CDH12: variants seen among roughly 807,000 people sequenced by gnomAD.
The protein encoded by CDH12 is cadherin-12.
A neutral mutation model predicts 74.1 loss-of-function variants in CDH12; 41 were observed. The observed-to-expected ratio is 0.55, with a 90% confidence interval of 0.43 to 0.72. The LOEUF (loss-of-function observed/expected upper bound fraction) is 0.72. CDH12 is among the 30% of genes least tolerant of loss of function. The probability of loss-of-function intolerance (pLI) is 0.00; values close to 1 mark genes in which losing one functional copy is unlikely to be tolerated. For missense variants in CDH12, 945 were observed against 977.2 expected, an observed-to-expected ratio of 0.97 and a Z score of 0.44; for synonymous variants, 399 against 355.0, an observed-to-expected ratio of 1.12 and a Z score of -1.39.
At chr5:22,246,934 C>T (rs1423275935) in intron 3 of CDH12, among the ~76,000 whole-genome samples, 1 of 152,002 alleles carries the variant, frequency 6.6e-6, no homozygotes, top group Non-Finnish European at 1.5e-5. Context: ...TTTGAAGAAA[C>T]AAAAGGATAA....
intron 4 of CDH12, among the ~76,000 whole-genome samples, chr5:22,200,499 C>T (rs1750870576): frequency 6.6e-6 from 1 of 152,082 alleles, no homozygotes; most frequent in Non-Finnish European, 1.5e-5. Flanking sequence ...TGACCTTTAC[C>T]AAACGTGTGT....
At chr5:22,065,922 G>C (rs1302365932) in intron 5 of CDH12, among the ~76,000 whole-genome samples, 1 of 152,136 alleles carries the variant, frequency 6.6e-6, no homozygotes, top group Non-Finnish European at 1.5e-5. Context: ...TCCTAGGAAT[G>C]AAATAGGTAG....
intron 6 of CDH12, among the ~76,000 whole-genome samples, chr5:21,911,251 T>C (rs980778377): frequency 7.2e-5 from 11 of 152,272 alleles, no homozygotes; most frequent in African/African-American, 2.2e-4. Context: ...TTGTGGTATA[T>C]AGAAGTAACA....
At chr5:22,386,703 C>A (rs1442366826) in intron 3 of CDH12, among the ~76,000 whole-genome samples, 3 of 151,646 alleles carry the variant, frequency 2.0e-5, no homozygotes, top group Non-Finnish European at 4.4e-5. Context: ...CTGAAATATG[C>A]ATGAAAGATG....
chr5:22,694,810 CAT>C (rs527555204), intron 1 of CDH12, among the ~76,000 whole-genome samples: 2 of 151,672 alleles, frequency 1.3e-5, no homozygotes, highest in Non-Finnish European at 2.9e-5. Flanking sequence ...TACACACACA[CAT>C]ATATATACAT....
intron 1 of CDH12, among the ~76,000 whole-genome samples, chr5:22,724,609 A>T (rs571102666): frequency 6.6e-6 from 1 of 152,056 alleles, no homozygotes; most frequent in Admixed American, 6.6e-5. Context: ...TATATATACC[A>T]CATTTTCTTT....
At chr5:22,414,937 C>T (rs1311163182) in intron 2 of CDH12, among the ~76,000 whole-genome samples, 1 of 151,968 alleles carries the variant, frequency 6.6e-6, no homozygotes, top group Non-Finnish European at 1.5e-5. Flanking sequence ...ATGAAGGCTG[C>T]TTATTTAGTA....
chr5:22,709,270 C>T (rs1743177700), intron 1 of CDH12, among the ~76,000 whole-genome samples: 1 of 151,992 alleles, frequency 6.6e-6, no homozygotes, highest in African/African-American at 2.4e-5. Flanking sequence ...GAAATATTTC[C>T]ATTGAAAAGC....
chr5:21,886,539 TAATA>T (rs1165154485), intron 6 of CDH12, among the ~76,000 whole-genome samples: 2 of 146,734 alleles, frequency 1.4e-5, no homozygotes, highest in Non-Finnish European at 3.0e-5. Context: ...ATATTATATA[TAATA>T]TATATAAATA....
chr5:22,365,091 T>A (rs1252038268), intron 3 of CDH12, among the ~76,000 whole-genome samples: 3 of 152,198 alleles, frequency 2.0e-5, no homozygotes, highest in Non-Finnish European at 2.9e-5. Flanking sequence ...TCCTTTTATA[T>A]CACACTGAGA....
chr5:22,141,753 TG>T (rs1452546187), intron 4 of CDH12, among the ~76,000 whole-genome samples: 3 of 152,126 alleles, frequency 2.0e-5, no homozygotes, highest in African/African-American at 7.2e-5. Context: ...TCACTGATTG[TG>T]GGTCTGAGGC....
chr5:22,373,521 G>A (rs764108151), intron 3 of CDH12, among the ~76,000 whole-genome samples: 18 of 152,294 alleles, frequency 1.2e-4, no homozygotes, highest in Admixed American at 2.6e-4. Context: ...CCAGCATACA[G>A]TGTTCTGGGG....
intron 2 of CDH12, among the ~76,000 whole-genome samples, chr5:22,436,825 T>C (rs935401680): frequency 1.3e-5 from 2 of 152,192 alleles, no homozygotes; most frequent in African/African-American, 4.8e-5. Flanking sequence ...GAGAAGGTCG[T>C]TACCCTTTAG....
intron 3 of CDH12, among the ~76,000 whole-genome samples, chr5:22,258,097 T>A (rs1239262876): frequency 6.6e-6 from 1 of 151,926 alleles, no homozygotes; most frequent in Non-Finnish European, 1.5e-5. Context: ...GGACGTAAAG[T>A]TTTTTTTGCT....
At chr5:22,497,611 C>A (rs577825206) in intron 2 of CDH12, among the ~76,000 whole-genome samples, 87 of 150,650 alleles carry the variant, frequency 5.8e-4, no homozygotes, top group Non-Finnish European at 9.7e-4. Context: ...TTCCAATGCC[C>A]TCAAGGCCCC....
chr5:22,095,040 C>A lies in CDH12; in HGVS notation c.-186-16178G>T, dbSNP rs145149395. Among the ~76,000 whole-genome samples, 580 of 152,280 alleles carry A rather than the reference C, an allele frequency of 3.8e-3. 10 individuals are homozygous for A. The highest frequency in any genetic ancestry group is 0.013 in the African/African-American group (546 of 41,550). ...GCTCACACAAAGCCTGTTTAGTGGT[C>A]TCTTCACACGGACATACATGAAATT... On this transcript the variant is annotated intron_variant, in intron 4 of 14. Coordinates refer to ENST00000382254, the MANE Select transcript of CDH12 (RefSeq NM_004061.5).
chr5:22,036,569 C>T (rs1301493597), intron 5 of CDH12, among the ~76,000 whole-genome samples: 1 of 151,854 alleles, frequency 6.6e-6, no homozygotes, highest in Non-Finnish European at 1.5e-5. Flanking sequence ...TGTGTGTGCA[C>T]GTGTGCGTGC....
chr5:22,589,292 C>T (rs187937589), intron 1 of CDH12, among the ~76,000 whole-genome samples: 2 of 152,092 alleles, frequency 1.3e-5, no homozygotes, highest in Non-Finnish European at 2.9e-5. Context: ...AAACTGGACC[C>T]AACTGTAAGC....
At chr5:21,879,026 G>A (rs1041795719) in intron 6 of CDH12, among the ~76,000 whole-genome samples, 17 of 152,098 alleles carry the variant, frequency 1.1e-4, no homozygotes, top group African/African-American at 4.1e-4. Context: ...TAACTGTATT[G>A]AGAGTTGCTG....
Sources: gnomAD v4.1 joint callset for allele counts (sites outside exome capture counted in the v4.1 genomes callset) on GRCh38, gnomAD v4.1.1 for gene constraint, MANE v1.5 for transcripts, NCBI Gene and HGNC (gene_info 2026-07-23, HGNC 2026-07-21) for gene names.